Variants in DDR1 observed in about 807,000 individuals in gnomAD.
DDR1 encodes epithelial discoidin domain-containing receptor 1.
A neutral mutation model predicts 97.4 loss-of-function variants in DDR1; 64 were observed. The ratio of observed to expected loss-of-function variants is 0.66; its 90% CI spans 0.54 to 0.81. The LOEUF (loss-of-function observed/expected upper bound fraction) is 0.81. DDR1 is among the 30% of genes least tolerant of loss of function. DDR1 has a pLI of 0.00. For synonymous variants in DDR1, 458 were observed against 503.7 expected (o/e 0.91, Z 1.21); for missense variants, 990 against 1,259.6 (o/e 0.79, Z 3.24).
At position 30,890,211 on chromosome 6, in the gene DDR1, T is replaced by C. The variant is rs6457282; in HGVS notation, c.418-762T>C. On this transcript the variant is annotated intron_variant, in intron 4 of 17. Transcript: ENST00000376568. This position sits in a 1 kb window ranked among gnomAD's most constrained non-coding sequence, Gnocchi z 5.0. The stretch of plus-strand genomic sequence containing the variant: ...CCACTCTGCCAGAACAAAAGCTGAG[T>C]CCCTAGCTGGTGCAGGATGCTCAGC... Among the ~76,000 whole-genome samples, 39,346 of 151,934 alleles carry C rather than the reference T, an allele frequency of 0.26. 6,057 individuals are homozygous for C. The highest frequency in any genetic ancestry group is 0.61 in the East Asian group (3,164 of 5,166).
chr6:30,887,468 C>G (rs569571503), intron 1 of DDR1, among the ~76,000 whole-genome samples: 1 of 152,294 alleles, frequency 6.6e-6, no homozygotes, highest in African/African-American at 2.4e-5. Flanking sequence ...TTCTCTCCTT[C>G]TAGACGTACA....
chr6:30,896,716 A>G lies in DDR1; in HGVS notation c.1720A>G (p.Ile574Val), dbSNP rs1387935811. 2 of 1,605,686 alleles carry G rather than the reference A, an allele frequency of 1.2e-6. No individual in the cohort carries two copies. The highest frequency in any genetic ancestry group is 8.5e-7 in the Non-Finnish European group (1 of 1,175,952). The change falls in exon 13 of 18, where the codon ATT (isoleucine) becomes GTT (valine). Residue 574 changes from isoleucine to valine, a missense_variant. Transcript: ENST00000376568. ...CGTCCCCCATTATGCCGAGGCTGAC[A>G]TTGTTACCCTGCAGGGCGTCACCGG... Reference protein sequence around the residue: ...NSVPHYAEADIVTLQGVTGGN... With the variant: ...NSVPHYAEADVVTLQGVTGGN...
At position 30,895,432 on chromosome 6, in the gene DDR1, C is replaced by T; in HGVS notation, c.1542C>T (p.Arg514=). Residue 514 remains arginine, a synonymous_variant, in exon 12 of 18, where the codon CGC becomes CGT. Transcript: ENST00000376568. ...SALLLSNPAY[R]LLLATYARPP... is the part of the protein sequence containing the mutation. ...TGCTGCTCTCCAATCCAGCCTACCGCCTCCTTCTGGCCACTTACGCCCGTC... is the reference window on the plus strand; with the variant it reads ...TGCTGCTCTCCAATCCAGCCTACCGTCTCCTTCTGGCCACTTACGCCCGTC... 6.2e-7 allele frequency: 1 copy of T among 1,611,152 alleles called. No homozygotes were observed. The highest frequency in any genetic ancestry group is 8.5e-7 in the Non-Finnish European group (1 of 1,179,310).
chr6:30,896,681 C>T lies in DDR1; in HGVS notation c.1685C>T (p.Pro562Leu). Reference protein sequence around the residue: ...KPGAPLLPPPPQNSVPHYAEA... With the variant: ...KPGAPLLPPPLQNSVPHYAEA... ...GGCGCCCCGCTTCTGCCCCCACCTC[C>T]CCAGAACAGCGTCCCCCATTATGCC... The change falls in exon 13 of 18, where the codon CCC becomes CTC. Residue 562 changes from proline (P) to leucine (L), a missense_variant. By Grantham distance (98) the Pro-to-Leu change is moderately conservative. Transcript: ENST00000376568. 1.2e-6 allele frequency: 2 copies of T among 1,612,870 alleles called. No individual in the cohort carries two copies. Among genetic ancestry groups the T allele is most frequent in the Non-Finnish European group, 1.7e-6 (2 of 1,179,514 alleles).
Position 30,897,291 on chromosome 6 carries a change from G to C in DDR1, c.1998-88G>C. 1 of 1,340,124 alleles carries C rather than the reference G, an allele frequency of 7.5e-7. No individual in the cohort carries two copies. The highest frequency in any genetic ancestry group is 1.0e-6 in the Non-Finnish European group (1 of 996,482). 83.0% of individuals were successfully genotyped at this position (1,340,124 alleles called of 1,614,324 possible). A position where few individuals can be genotyped will look rare whatever the true frequency, so the allele number is the denominator to read the frequency against. On this transcript the variant is annotated intron_variant, in intron 14 of 17. Coordinates refer to ENST00000376568, the MANE Select transcript of DDR1 (RefSeq NM_001297654.2). This position sits in a 1 kb window ranked among gnomAD's most constrained non-coding sequence, Gnocchi z 5.2. ...CGCTGGGGGTGGGGACGCCTGGTCT[G>C]CCTGAGGTGGGGCAGGGGGGTGGGG... is the stretch of plus-strand genomic sequence containing the variant.
Position 30,891,548 on chromosome 6 carries a change from TGTGTGTGTGAGA to T in DDR1, c.665+79_665+90del. The stretch of plus-strand genomic sequence containing the variant: ...AGGACTGTGTGTGTGTGTGTGTGTG[TGTGTGTGTGAGA>T]GTGTGTGTGTGTAGGGGGGCTGGTA... On this transcript the variant is annotated intron_variant, in intron 6 of 17. Coordinates refer to ENST00000376568, the MANE Select transcript of DDR1 (RefSeq NM_001297654.2). This position sits in a 1 kb window ranked among gnomAD's most constrained non-coding sequence, Gnocchi z 5.3. 3 of 951,534 alleles carry T rather than the reference TGTGTGTGTGAGA, an allele frequency of 3.2e-6. No individual in the cohort carries two copies. Among genetic ancestry groups the T allele is most frequent in the Admixed American group, 2.1e-5 (1 of 47,812 alleles). The allele number at this position is 951,534 out of a possible 1,614,324, so 58.9% of individuals were successfully genotyped here. A position where few individuals can be genotyped will look rare whatever the true frequency, so the allele number is the denominator to read the frequency against.
rs1369495530 is a variant in DDR1 at position 30,899,377 on chromosome 6, C to G, written c.*81C>G. On this transcript the variant is annotated 3_prime_UTR_variant, in exon 18 of 18. Coordinates refer to ENST00000376568, the MANE Select transcript of DDR1 (RefSeq NM_001297654.2). ...CTAAAACAAGAGGACACAATGGCAC[C>G]TCTGCCCTTCCCCTCCCGACAGCCC... is the stretch of plus-strand genomic sequence containing the variant. The G allele has an allele frequency of 1.3e-6, 2 of 1,515,470 alleles. No homozygotes were observed. The highest frequency in any genetic ancestry group is 1.8e-6 in the Non-Finnish European group (2 of 1,126,088). The allele number at this position is 1,515,470 out of a possible 1,614,324, so 93.9% of individuals were successfully genotyped here. A position where few individuals can be genotyped will look rare whatever the true frequency, so the allele number is the denominator to read the frequency against.
At chr6:30,892,967 A>AC in intron 8 of DDR1, 101 bp from the exon 9 acceptor site, 1 of 1,040,138 alleles carries the variant, frequency 9.6e-7, no homozygotes, top group Non-Finnish European at 1.4e-6. Context: ...ATTGAGAATC[A>AC]CCCATGCTTC....
In DDR1 at chr6:30,889,466, G is replaced by A. The variant is rs1213145902; in HGVS notation, c.417+36G>A. ...CAGGGGCAGCACCCAGAGGAGGTTGGCTCTCCTCACTTCCAGCTGTACTTT... is the reference window on the plus strand; with the variant it reads ...CAGGGGCAGCACCCAGAGGAGGTTGACTCTCCTCACTTCCAGCTGTACTTT... On this transcript the variant is annotated intron_variant, in intron 4 of 17. Coordinates refer to ENST00000376568, the MANE Select transcript of DDR1 (RefSeq NM_001297654.2). The surrounding 1 kb of genome is among the most constrained non-coding windows in gnomAD (Gnocchi z 4.9). The A allele has an allele frequency of 4.2e-6, 6 of 1,429,502 alleles. No homozygotes were observed. The highest frequency in any genetic ancestry group is 5.6e-6 in the Non-Finnish European group (6 of 1,080,234). 88.6% of individuals were successfully genotyped at this position (1,429,502 alleles called of 1,614,324 possible). A position where few individuals can be genotyped will look rare whatever the true frequency, so the allele number is the denominator to read the frequency against.
chr6:30,885,335 C>T (rs938742376), intron 1 of DDR1: 12 of 1,420,976 alleles, frequency 8.4e-6, no homozygotes, highest in Middle Eastern at 1.8e-4. Flanking sequence ...AGCTCGCTGG[C>T]TGTTGCTGAG....
In DDR1 at chr6:30,899,284, C is replaced by T. The variant is rs748379328; in HGVS notation, c.2730C>T (p.Leu910=). 17 of 1,611,370 alleles carry T rather than the reference C, an allele frequency of 1.1e-5. No homozygotes were observed. In the African/African-American group the frequency reaches 1.1e-4, roughly 10 times the overall value. ...ATCGGTTCCTGGCAGAGGATGCACTCAACACGGTGTGAATCACACATCCAG... is the reference window on the plus strand; with the variant it reads ...ATCGGTTCCTGGCAGAGGATGCACTTAACACGGTGTGAATCACACATCCAG... ...QLHRFLAEDA[L]NTV The change falls in exon 18 of 18, where the codon CTC becomes CTT. Residue 910 remains leucine (L), a synonymous_variant. Transcript: ENST00000376568.
Position 30,898,121 on chromosome 6 carries a change from C to T in DDR1, c.2265C>T (p.Arg755=). The T allele has an allele frequency of 1.2e-6, 2 of 1,614,282 alleles. No individual in the cohort carries two copies. The highest frequency in any genetic ancestry group is 4.5e-5 in the East Asian group (2 of 44,890). Residue 755 remains arginine, a synonymous_variant, in exon 16 of 18, where the codon CGC becomes CGT. Coordinates refer to ENST00000376568, the MANE Select transcript of DDR1 (RefSeq NM_001297654.2). ...CAGCCCAGATCGCCTCCGGCATGCG[C>T]TATCTGGCCACACTCAACTTTGTAC... The part of the protein sequence containing the change: ...HVAAQIASGM[R]YLATLNFVHR...
In DDR1 at chr6:30,890,246, C is replaced by T. The variant is rs1411484377; in HGVS notation, c.418-727C>T. 6.6e-6 allele frequency among the ~76,000 whole-genome samples: 1 copy of T among 152,198 alleles called. No individual in the cohort carries two copies. The highest frequency in any genetic ancestry group is 2.4e-5 in the African/African-American group (1 of 41,442). On this transcript the variant is annotated intron_variant, in intron 4 of 17. Coordinates refer to ENST00000376568, the MANE Select transcript of DDR1 (RefSeq NM_001297654.2). This position sits in a 1 kb window ranked among gnomAD's most constrained non-coding sequence, Gnocchi z 5.0. ...GTGCAGGATGCTCAGCCTGACCTGG[C>T]TCCTGCCTGCATCACTTGTTTCTTG...
intron 15 of DDR1, 59 bp from the exon 16 acceptor site, chr6:30,898,014 C>G: frequency 7.2e-7 from 1 of 1,391,638 alleles, no homozygotes; most frequent in Non-Finnish European, 1.0e-6. Flanking sequence ...TCTCTCTCCT[C>G]TCCTGGATGG....
chr6:30,897,385 T>G lies in DDR1; in HGVS notation c.2004T>G (p.Asp668Glu). 1 of 1,614,020 alleles carries G rather than the reference T, an allele frequency of 6.2e-7. No individual in the cohort carries two copies. The highest frequency in any genetic ancestry group is 8.5e-7 in the Non-Finnish European group (1 of 1,179,984). ...RPDATKNARNDFLKEVKIMSR... is the reference protein window; with the variant it reads ...RPDATKNARNEFLKEVKIMSR... ...GCTTCTCCTTGTTCTCCAGGAATGA[T>G]TTCCTGAAAGAGGTGAAGATCATGT... is the stretch of plus-strand genomic sequence containing the variant. Residue 668 changes from aspartate to glutamate, a missense_variant, in exon 15 of 18, where the codon GAT (aspartate) becomes GAG (glutamate). Transcript: ENST00000376568. The surrounding 1 kb of genome is among the most constrained non-coding windows in gnomAD (Gnocchi z 5.2).
At position 30,892,169 on chromosome 6, in the gene DDR1, G is replaced by A. The variant is rs754524042; in HGVS notation, c.833G>A (p.Arg278Lys). The A allele has an allele frequency of 2.1e-5, 34 of 1,614,056 alleles. No individual in the cohort carries two copies. The highest frequency in any genetic ancestry group is 2.9e-5 in the Non-Finnish European group (34 of 1,180,014). ...ATGGAGTTTGAGTTTGACCGGCTGA[G>A]GGCCTTCCAGGCTATGCAGGTGAGT... ...VEMEFEFDRL[R>K]AFQAMQVHCN... Residue 278 changes from arginine to lysine, a missense_variant, in exon 7 of 18, where the codon AGG (arginine) becomes AAG (lysine). Arg to Lys is a conservative substitution (Grantham distance 26, BLOSUM62 2). Transcript: ENST00000376568.
In DDR1 at chr6:30,894,243, A is replaced by G. The variant is rs773225892; in HGVS notation, c.1348-263A>G. Reference sequence around the variant, plus strand: ...GCCTGGGCGACAAGAGCAAAATTCCATCTCAAAAAAACAAACAAACAAAAA... The same window carrying G: ...GCCTGGGCGACAAGAGCAAAATTCCGTCTCAAAAAAACAAACAAACAAAAA... On this transcript the variant is annotated intron_variant, in intron 10 of 17. Coordinates refer to ENST00000376568, the MANE Select transcript of DDR1 (RefSeq NM_001297654.2). This position sits in a 1 kb window ranked among gnomAD's most constrained non-coding sequence, Gnocchi z 5.7. Among the ~76,000 whole-genome samples the G allele has an allele frequency of 4.0e-5, 6 of 151,866 alleles. No individual in the cohort carries two copies. The highest frequency in any genetic ancestry group is 5.9e-5 in the Non-Finnish European group (4 of 67,960).
chr6:30,889,622 T>C lies in DDR1; in HGVS notation c.417+192T>C, dbSNP rs949441630. ...CTCCACTTAGATGTCTTTTTTTTTT[T>C]TTCTAATAGATGGGGTCTTGCTGTG... is the stretch of plus-strand genomic sequence containing the variant. On this transcript the variant is annotated intron_variant, in intron 4 of 17. Coordinates refer to ENST00000376568, the MANE Select transcript of DDR1 (RefSeq NM_001297654.2). The surrounding 1 kb of genome is among the most constrained non-coding windows in gnomAD (Gnocchi z 4.9). Among the ~76,000 whole-genome samples, 76 of 152,094 alleles carry C rather than the reference T, an allele frequency of 5.0e-4. No homozygotes were observed. Among genetic ancestry groups the C allele is most frequent in the African/African-American group, 1.8e-3 (76 of 41,414 alleles).
At chr6:30,895,578 C>T in intron 12 of DDR1, 64 bp downstream of exon 12, 1 of 1,053,352 alleles carries the variant, frequency 9.5e-7, no homozygotes, top group African/African-American at 1.6e-5. Flanking sequence ...AGGGAAAAGC[C>T]CTCACACCTT....
Sources: allele counts gnomAD v4.1 joint callset (sites outside exome capture counted in the v4.1 genomes callset), GRCh38; gene constraint gnomAD v4.1.1; non-coding constraint Gnocchi (gnomAD v3.1); transcripts MANE v1.5; gene names NCBI Gene and HGNC (gene_info 2026-07-23, HGNC 2026-07-21).